Variants in RAI14 observed in about 807,000 individuals in gnomAD.
RAI14 encodes the protein ankycorbin.
RAI14 carries 45 observed loss-of-function variants against 115.4 expected under a neutral mutation model. The ratio of observed to expected loss-of-function variants is 0.39; its 90% CI spans 0.31 to 0.50. RAI14 has a LOEUF of 0.50. Among genes scored for constraint, RAI14 ranks in the 20% least tolerant of loss-of-function variants. The pLI, the probability that RAI14 is intolerant of heterozygous loss-of-function variation, is 0.85. For missense variants in RAI14, 939 were observed against 1,131.2 expected (o/e 0.83, Z 2.44); for synonymous variants, 371 against 415.4 (o/e 0.89, Z 1.30).
rs71600954 is a variant in RAI14, at chr5:34,752,749, G to GTATATATATATA, written c.37-4713_37-4702dup. ...TGTGTGTGTGTGTGTGTGTGTGTGT[G>GTATATATATATA]TATATATATATATATATGTATCTTT... On this transcript the variant is annotated intron_variant, in intron 2 of 17. Transcript: ENST00000265109. 5.1e-3 allele frequency among the ~76,000 whole-genome samples: 545 copies of GTATATATATATA among 107,054 alleles called. 26 individuals carry two copies. Among genetic ancestry groups the GTATATATATATA allele is most frequent in the Middle Eastern group, 0.02 (4 of 204 alleles). The allele number at this position is 107,054 out of a possible 152,430, so 70.2% of individuals were successfully genotyped here. A position where few individuals can be genotyped will look rare whatever the true frequency, so the allele number is the denominator to read the frequency against.
chr5:34,727,929 A>G (rs1006514987), intron 2 of RAI14, among the ~76,000 whole-genome samples: 8 of 152,188 alleles, frequency 5.3e-5, no homozygotes, highest in South Asian at 2.1e-4. Context: ...AGCTGTGAGA[A>G]GAAGGCCACT....
intron 3 of RAI14, among the ~76,000 whole-genome samples, chr5:34,768,988 C>CAAA (rs34926209): frequency 7.6e-6 from 1 of 132,172 alleles, no homozygotes; most frequent in African/African-American, 2.8e-5. Flanking sequence ...GACCCAGTCT[C>CAAA]AAAAAAAAAA....
intron 1 of RAI14, among the ~76,000 whole-genome samples, chr5:34,679,712 G>A (rs1240995586): frequency 6.6e-6 from 1 of 152,168 alleles, no homozygotes; most frequent in Non-Finnish European, 1.5e-5. Context: ...GTAATGAGAA[G>A]GAAGGGGGCA....
chr5:34,714,935 A>G (rs988639935), intron 2 of RAI14, among the ~76,000 whole-genome samples: 1 of 152,172 alleles, frequency 6.6e-6, no homozygotes, highest in Non-Finnish European at 1.5e-5. Flanking sequence ...CCTCAGCTTC[A>G]GGGCCTTTTG....
chr5:34,687,621 A>C (rs542272117), intron 2 of RAI14: 1 of 1,547,166 alleles, frequency 6.5e-7, no homozygotes, highest in Non-Finnish European at 8.7e-7. Flanking sequence ...CACCCCATAA[A>C]CCCTTCTATG....
At chr5:34,796,441 C>T (rs920834076) in intron 4 of RAI14, among the ~76,000 whole-genome samples, 1 of 151,706 alleles carries the variant, frequency 6.6e-6, no homozygotes, top group African/African-American at 2.4e-5. Context: ...AATTTAGAGT[C>T]CAAAAGAAGA....
intron 1 of RAI14, among the ~76,000 whole-genome samples, chr5:34,663,525 A>C (rs1742863757): frequency 6.6e-6 from 1 of 152,182 alleles, no homozygotes; most frequent in Admixed American, 6.5e-5. Context: ...TAAAAAAATA[A>C]ATAAATACAA....
chr5:34,802,842 T>C (rs1179729925), intron 4 of RAI14, among the ~76,000 whole-genome samples: 5 of 152,124 alleles, frequency 3.3e-5, no homozygotes, highest in East Asian at 3.9e-4. Context: ...AAAGGCCTCA[T>C]TGAGAATTTT....
intron 12 of RAI14, 64 bp from the exon 13 acceptor site, chr5:34,818,733 C>T: frequency 7.1e-7 from 1 of 1,408,436 alleles, no homozygotes; most frequent in African/African-American, 1.4e-5. Context: ...GGAAAGTCTG[C>T]TTGATTCTTT....
At chr5:34,787,791 G>T (rs1752466731) in intron 3 of RAI14, among the ~76,000 whole-genome samples, 1 of 132,386 alleles carries the variant, frequency 7.6e-6, no homozygotes, top group Non-Finnish European at 1.7e-5. Flanking sequence ...CATTTATTTT[G>T]TTTTTTGGTC....
intron 3 of RAI14, among the ~76,000 whole-genome samples, chr5:34,781,761 A>G (rs946608128): frequency 2.0e-5 from 3 of 152,194 alleles, no homozygotes; most frequent in Non-Finnish European, 4.4e-5. Flanking sequence ...TAGTACTGAA[A>G]AATGTGTCTA....
chr5:34,759,519 A>G (rs553079079), intron 3 of RAI14, among the ~76,000 whole-genome samples: 1 of 152,286 alleles, frequency 6.6e-6, no homozygotes, highest in African/African-American at 2.4e-5. Flanking sequence ...CCCTACTGTG[A>G]ACTGCACATG....
intron 3 of RAI14, among the ~76,000 whole-genome samples, chr5:34,772,779 G>A (rs371590332): frequency 6.6e-6 from 1 of 152,060 alleles, no homozygotes; most frequent in Non-Finnish European, 1.5e-5. Context: ...AGGCTGCTAG[G>A]GACATCAGTG....
chr5:34,730,047 A>G (rs965436581), intron 2 of RAI14, among the ~76,000 whole-genome samples: 2 of 152,196 alleles, frequency 1.3e-5, no homozygotes, highest in Admixed American at 1.3e-4. Flanking sequence ...CTGGCAGGCA[A>G]GGGTCTAAAA....
intron 2 of RAI14, among the ~76,000 whole-genome samples, chr5:34,733,997 C>T (rs1744530002): frequency 6.6e-6 from 1 of 152,206 alleles, no homozygotes; most frequent in Non-Finnish European, 1.5e-5. Context: ...TCACTCATCC[C>T]TGCCGCTCCC....
intron 12 of RAI14, among the ~76,000 whole-genome samples, chr5:34,818,215 T>C (rs989164725): frequency 3.3e-5 from 5 of 152,342 alleles, no homozygotes; most frequent in East Asian, 1.9e-4. Context: ...AGAATTTTTA[T>C]GGTATATTAA....
intron 2 of RAI14, among the ~76,000 whole-genome samples, chr5:34,690,272 TG>T (rs1158397811): frequency 1.3e-5 from 2 of 152,194 alleles, no homozygotes; most frequent in African/African-American, 4.8e-5. Context: ...TTTAAACCAT[TG>T]GGCATCATAT....
At position 34,719,104 on chromosome 5, in the gene RAI14, G is replaced by A. The variant is rs118119325; in HGVS notation, c.36+32149G>A. Among the ~76,000 whole-genome samples, 50 of 152,214 alleles carry A rather than the reference G, an allele frequency of 3.3e-4. No homozygotes were observed. In the East Asian group the frequency reaches 7.5e-3, roughly 23 times the overall value. ...GGACAGGGTACAACAGGGACAGCTC[G>A]TCTCTGATCCGTGTTGTGGAACTTC... On this transcript the variant is annotated intron_variant, in intron 2 of 17. Transcript: ENST00000265109.
intron 2 of RAI14, among the ~76,000 whole-genome samples, chr5:34,705,201 C>T (rs1170485968): frequency 1.3e-5 from 2 of 152,046 alleles, no homozygotes; most frequent in Non-Finnish European, 2.9e-5. Context: ...GTTTTTTCAA[C>T]TCTAAATCTC....
Sources: gnomAD v4.1 joint callset for allele counts (sites outside exome capture counted in the v4.1 genomes callset) on GRCh38, gnomAD v4.1.1 for gene constraint, MANE v1.5 for transcripts, NCBI Gene and HGNC (gene_info 2026-07-23, HGNC 2026-07-21) for gene names.